UNC80: variants seen among roughly 807,000 people sequenced by gnomAD.
The protein encoded by UNC80 is unc-80 subunit of NALCN channel complex.
In UNC80, 164 loss-of-function variants were observed where a neutral mutation model predicts 384.6. The ratio of observed to expected loss-of-function variants is 0.43; its 90% CI spans 0.38 to 0.49. The LOEUF is 0.49. Ranked by LOEUF, UNC80 falls within the 20% of genes least tolerant of loss-of-function variation. The pLI is 0.00. For missense variants in UNC80, 3,330 were observed against 4,143.0 expected, an observed-to-expected ratio of 0.80 and a Z score of 5.39; for synonymous variants, 1,486 against 1,527.8, an observed-to-expected ratio of 0.97 and a Z score of 0.64.
At position 209,817,889 on chromosome 2, in the gene UNC80, C is replaced by G; in HGVS notation, c.1630C>G (p.His544Asp). The G allele has an allele frequency of 6.4e-7, 1 of 1,551,670 alleles. No homozygotes were observed. The highest frequency in any genetic ancestry group is 8.7e-7 in the Non-Finnish European group (1 of 1,146,994). The change falls in exon 11 of 65, where the codon CAC becomes GAC. Residue 544 changes from histidine (H) to aspartate (D), a missense_variant. Physicochemically the swap from His to Asp is moderately conservative, Grantham distance 81 (BLOSUM62 -1). Around this residue, in one of 8 missense-constraint regions of UNC80, gnomAD observed 937 missense variants for 1,026.8 expected, o/e 0.91. Coordinates refer to ENST00000673920, the MANE Select transcript of UNC80 (RefSeq NM_001371986.1). Reference sequence around the variant, plus strand: ...GAGCGCCAGGCATTCCCACTCCCATCACACCCTGGTAAGCGACCTGCCGGA... The same window carrying G: ...GAGCGCCAGGCATTCCCACTCCCATGACACCCTGGTAAGCGACCTGCCGGA... ...SLSARHSHSH[H>D]TLVSDLPDPS...
chr2:209,787,164 A>G (rs1050952559), intron 5 of UNC80, among the ~76,000 whole-genome samples: 2 of 111,400 alleles, frequency 1.8e-5, no homozygotes, highest in Non-Finnish European at 3.4e-5. Flanking sequence ...AACCAGACTC[A>G]GCTTAGACAG....
Position 209,820,346 on chromosome 2 carries a change from T to A in UNC80, c.1998T>A (p.His666Gln). 6.5e-7 allele frequency: 1 copy of A among 1,549,998 alleles called. No homozygotes were observed. The highest frequency in any genetic ancestry group is 1.2e-5 in the South Asian group (1 of 83,622). Residue 666 changes from histidine (H) to glutamine (Q), a missense_variant, in exon 13 of 65, where the codon CAT becomes CAA. This residue lies in a region of UNC80 where 937 missense variants were observed against 1,026.8 expected (regional missense o/e 0.91). Coordinates refer to ENST00000673920, the MANE Select transcript of UNC80 (RefSeq NM_001371986.1). ...VLKAVYLVLN[H>Q]DISSRICDVA... is the part of the protein sequence containing the mutation. ...AGGCTGTTTATCTTGTCCTTAATCA[T>A]GACATCAGCTCTCGTATCTGTGACG...
intron 35 of UNC80, among the ~76,000 whole-genome samples, chr2:209,925,224 C>G (rs2090336322): frequency 6.6e-6 from 1 of 151,948 alleles, no homozygotes; most frequent in Admixed American, 6.6e-5. Flanking sequence ...TTTCAGGGAT[C>G]TATACTCCAC....
intron 15 of UNC80, among the ~76,000 whole-genome samples, chr2:209,830,403 AT>A (rs1263794909): frequency 6.6e-6 from 1 of 152,156 alleles, no homozygotes; most frequent in African/African-American, 2.4e-5. Context: ...ATTGCAAATG[AT>A]TTTTTTCTCC....
chr2:209,994,213 A>G lies in UNC80; in HGVS notation c.9657A>G (p.Thr3219=). 4 of 1,549,516 alleles carry G rather than the reference A, an allele frequency of 2.6e-6. No individual in the cohort carries two copies. Among genetic ancestry groups the G allele is most frequent in the Non-Finnish European group, 3.5e-6 (4 of 1,145,502 alleles). ...KPEAMDEPVL[T]SSPAIVVADL... is the part of the protein sequence containing the mutation. ...AAGCAATGGACGAACCAGTCCTCAC[A>G]TCTTCTCCCGCCATAGTTGTTGCGG... The change falls in exon 64 of 65, where the codon ACA becomes ACG. Residue 3219 remains threonine (T), a synonymous_variant. Coordinates refer to ENST00000673920, the MANE Select transcript of UNC80 (RefSeq NM_001371986.1).
chr2:209,978,931 G>A (rs922157384), intron 59 of UNC80, among the ~76,000 whole-genome samples: 3 of 152,156 alleles, frequency 2.0e-5, no homozygotes, highest in African/African-American at 4.8e-5. Context: ...CAGGGAAAAA[G>A]TAAATATGAA....
chr2:209,807,910 C>G (rs2079009307), intron 7 of UNC80, among the ~76,000 whole-genome samples: 1 of 152,146 alleles, frequency 6.6e-6, no homozygotes, highest in Non-Finnish European at 1.5e-5. Context: ...TAAATATTTG[C>G]TACTGAACGT....
chr2:209,835,945 T>A (rs1336666678), intron 18 of UNC80, among the ~76,000 whole-genome samples: 1 of 152,206 alleles, frequency 6.6e-6, no homozygotes, highest in African/African-American at 2.4e-5. Context: ...TAAACACAAA[T>A]TTGTGATAAA....
chr2:209,960,243 C>T (rs2092547523), intron 51 of UNC80, among the ~76,000 whole-genome samples: 1 of 152,186 alleles, frequency 6.6e-6, no homozygotes, highest in African/African-American at 2.4e-5. Context: ...AAAATGTGTC[C>T]TGGTAAAAAT....
chr2:209,837,773 CTT>C (rs747171151), intron 18 of UNC80, among the ~76,000 whole-genome samples: 20 of 141,370 alleles, frequency 1.4e-4, no homozygotes, highest in Non-Finnish European at 2.0e-4. Flanking sequence ...GTACCTACAT[CTT>C]TTTTTTTTTT....
intron 22 of UNC80, among the ~76,000 whole-genome samples, chr2:209,856,519 T>C (rs909962444): frequency 6.6e-6 from 1 of 152,068 alleles, no homozygotes; most frequent in African/African-American, 2.4e-5. Flanking sequence ...AAGACATTCT[T>C]ATATTTTTCT....
At chr2:209,937,090 C>A (rs957786091) in intron 41 of UNC80, among the ~76,000 whole-genome samples, 157 bp downstream of exon 41, 1 of 152,104 alleles carries the variant, frequency 6.6e-6, no homozygotes, top group Non-Finnish European at 1.5e-5. Context: ...TTTTGACTGG[C>A]GACTTCACCT....
chr2:209,963,219 TTC>T (rs1374641336), intron 51 of UNC80, among the ~76,000 whole-genome samples: 7 of 152,206 alleles, frequency 4.6e-5, no homozygotes, highest in African/African-American at 1.7e-4. Context: ...TTCTCTCTCT[TTC>T]TCTGTCTGTC....
rs1450607361 is a variant in UNC80, at chr2:209,771,988, T to C, written c.-85T>C. 5 of 977,526 alleles carry C rather than the reference T, an allele frequency of 5.1e-6. No individual in the cohort carries two copies. The highest frequency in any genetic ancestry group is 7.9e-6 in the Non-Finnish European group (5 of 633,526). 60.6% of individuals were successfully genotyped at this position (977,526 alleles called of 1,614,324 possible). ...GCCTCGGGGAAGGAGGGGATGAGAGTTGGGAGCAGCGGGAGGAGGCGGCGG... is the reference window on the plus strand; with the variant it reads ...GCCTCGGGGAAGGAGGGGATGAGAGCTGGGAGCAGCGGGAGGAGGCGGCGG... On this transcript the variant is annotated 5_prime_UTR_variant, in exon 1 of 65. Coordinates refer to ENST00000673920, the MANE Select transcript of UNC80 (RefSeq NM_001371986.1).
chr2:209,823,359 T>G (rs1166742338), intron 13 of UNC80, among the ~76,000 whole-genome samples: 1 of 152,200 alleles, frequency 6.6e-6, no homozygotes, highest in Admixed American at 6.6e-5. Flanking sequence ...TTTTAAAATA[T>G]GTGTAAACCA....
chr2:209,812,094 G>T lies in UNC80; in HGVS notation c.939-1486G>T, dbSNP rs191111977. ...AGATGGAGTCTCGCTCCGTAGCCCA[G>T]GCTGGAGTGCAGTGGCGCTATCTCG... On this transcript the variant is annotated intron_variant, in intron 7 of 64. Coordinates refer to ENST00000673920, the MANE Select transcript of UNC80 (RefSeq NM_001371986.1). Among the ~76,000 whole-genome samples, 511 of 152,210 alleles carry T rather than the reference G, an allele frequency of 3.4e-3. 4 individuals are homozygous for T. The highest frequency in any genetic ancestry group is 5.7e-3 in the Non-Finnish European group (391 of 68,026).
chr2:209,818,304 G>A (rs936763552), intron 11 of UNC80, among the ~76,000 whole-genome samples: 1 of 151,830 alleles, frequency 6.6e-6, no homozygotes, highest in Non-Finnish European at 1.5e-5. Flanking sequence ...TACCTTCAGC[G>A]GGAGGAAAGT....
chr2:209,904,402 C>A (rs2124930327), intron 28 of UNC80, among the ~76,000 whole-genome samples: 1 of 152,328 alleles, frequency 6.6e-6, no homozygotes, highest in South Asian at 2.1e-4. Context: ...CCAGTCTATG[C>A]CCTTTCATAT....
intron 20 of UNC80, among the ~76,000 whole-genome samples, chr2:209,841,544 G>A (rs1323275313): frequency 7.2e-5 from 11 of 152,012 alleles, no homozygotes; most frequent in Non-Finnish European, 1.6e-4. Flanking sequence ...TAGAGACGGG[G>A]TTTCACCATG....
Sources: allele counts gnomAD v4.1 joint callset (sites outside exome capture counted in the v4.1 genomes callset), GRCh38; gene constraint gnomAD v4.1.1; regional missense constraint gnomAD v4.1.1; transcripts MANE v1.5; gene names NCBI Gene and HGNC (gene_info 2026-07-23, HGNC 2026-07-21).